KCNB2: variants seen among roughly 807,000 people sequenced by gnomAD.
KCNB2 encodes the protein delayed rectifier potassium channel protein.
Under a neutral mutation model 61.5 loss-of-function variants are expected in KCNB2, and 15 were observed. The observed-to-expected ratio is 0.24, with a 90% CI of 0.16 to 0.38. The LOEUF (loss-of-function observed/expected upper bound fraction) is 0.38. KCNB2 is among the 10% of genes least tolerant of loss of function. The pLI is 1.00. For synonymous variants in KCNB2, 457 were observed against 446.0 expected (o/e 1.02, Z -0.31); for missense variants, 828 against 1,125.2 (o/e 0.74, Z 3.78).
At position 72,936,798 on chromosome 8, in the gene KCNB2, C is replaced by T. The variant is rs781284488; in HGVS notation, c.1443C>T (p.Ser481=). 7 of 1,613,934 alleles carry T rather than the reference C, an allele frequency of 4.3e-6. No individual in the cohort carries two copies. The highest frequency in any genetic ancestry group is 1.7e-5 in the Admixed American group (1 of 59,992). The stretch of plus-strand genomic sequence containing the variant: ...GAGAGTCCGCCAACACAAAGGACTC[C>T]GCCGACGATAATCACCTGTCGCCAA... ...KAGESANTKD[S]ADDNHLSPSR... is the part of the protein sequence containing the mutation. Residue 481 remains serine (S), a synonymous_variant, in exon 3 of 3, where the codon TCC becomes TCT. Transcript: ENST00000523207. The surrounding 1 kb of genome is among the most constrained non-coding windows in gnomAD (Gnocchi z 5.6).
chr8:72,929,824 A>C (rs906093482), intron 2 of KCNB2, among the ~76,000 whole-genome samples: 4 of 151,974 alleles, frequency 2.6e-5, no homozygotes, highest in Non-Finnish European at 1.5e-5. Context: ...TTATACTTTA[A>C]GTTCTAGGGT....
intron 1 of KCNB2, among the ~76,000 whole-genome samples, chr8:72,556,085 G>A (rs1806421954): frequency 6.6e-6 from 1 of 151,898 alleles, no homozygotes; most frequent in Admixed American, 6.6e-5. Context: ...GCATCATCTG[G>A]TACAAGTCAC....
intron 2 of KCNB2, among the ~76,000 whole-genome samples, chr8:72,735,160 A>G (rs73309902): frequency 0.038 from 5,767 of 152,196 alleles, 149 homozygotes; most frequent in South Asian, 0.09. Flanking sequence ...AGACTCCCCA[A>G]TCCACCGTCT....
chr8:72,841,717 T>A (rs549324481), intron 2 of KCNB2, among the ~76,000 whole-genome samples: 39 of 45,160 alleles, frequency 8.6e-4, no homozygotes, highest in Non-Finnish European at 2.6e-3. Flanking sequence ...AGTTCACTCA[T>A]GATTTGGCTG....
At chr8:72,790,720 C>T (rs1445168400) in intron 2 of KCNB2, among the ~76,000 whole-genome samples, 1 of 152,064 alleles carries the variant, frequency 6.6e-6, no homozygotes, top group African/African-American at 2.4e-5. Context: ...TTGAAAAACA[C>T]CTTACAGATA....
chr8:72,561,746 T>TACAC (rs1491561524), intron 1 of KCNB2, among the ~76,000 whole-genome samples: 2 of 37,296 alleles, frequency 5.4e-5, no homozygotes, highest in African/African-American at 3.3e-4. Flanking sequence ...TATATATATA[T>TACAC]GTATATATAT....
At position 72,715,354 on chromosome 8, in the gene KCNB2, C is replaced by A. The variant is rs1284042528; in HGVS notation, c.579+147041C>A. 2.6e-5 allele frequency among the ~76,000 whole-genome samples: 4 copies of A among 152,196 alleles called. No individual in the cohort carries two copies. In the East Asian group the frequency reaches 5.8e-4, roughly 22 times the overall value. The stretch of plus-strand genomic sequence containing the variant: ...ACTGTCCACCCCAAATCAACAGAAT[C>A]TACATTCTTTTCAGCACCACACCAC... On this transcript the variant is annotated intron_variant, in intron 2 of 2. Coordinates refer to ENST00000523207, the MANE Select transcript of KCNB2 (RefSeq NM_004770.3).
At chr8:72,688,685 A>G (rs1285456073) in intron 2 of KCNB2, among the ~76,000 whole-genome samples, 1 of 152,158 alleles carries the variant, frequency 6.6e-6, no homozygotes, top group Non-Finnish European at 1.5e-5. Context: ...TGTAATTACC[A>G]TAATTTTATA....
intron 2 of KCNB2, among the ~76,000 whole-genome samples, chr8:72,621,674 C>T (rs1805715436): frequency 6.6e-6 from 1 of 152,186 alleles, no homozygotes; most frequent in African/African-American, 2.4e-5. Context: ...CTTGAGCCTG[C>T]ACTCATTTTA....
chr8:72,901,211 T>A (rs1806087362), intron 2 of KCNB2, among the ~76,000 whole-genome samples: 1 of 152,102 alleles, frequency 6.6e-6, no homozygotes, highest in Non-Finnish European at 1.5e-5. Flanking sequence ...GTGGGAGGCA[T>A]AGACTTACTG....
At chr8:72,859,706 C>CT (rs1810264452) in intron 2 of KCNB2, among the ~76,000 whole-genome samples, 944 of 73,432 alleles carry the variant, frequency 0.013, 319 homozygotes, top group African/African-American at 0.042. Context: ...TACTTCATTT[C>CT]GTTTTTTTTT....
intron 2 of KCNB2, among the ~76,000 whole-genome samples, chr8:72,861,234 GA>G (rs1275060269): frequency 6.6e-6 from 1 of 152,126 alleles, no homozygotes; most frequent in East Asian, 1.9e-4. Flanking sequence ...GTCCCCAATG[GA>G]AAGAAATCAA....
intron 2 of KCNB2, among the ~76,000 whole-genome samples, chr8:72,683,966 G>C (rs1441441880): frequency 6.6e-6 from 1 of 152,150 alleles, no homozygotes; most frequent in South Asian, 2.1e-4. Flanking sequence ...ATGATGGGTA[G>C]AGATTGAAGG....
chr8:72,575,679 T>C (rs1806784284), intron 2 of KCNB2, among the ~76,000 whole-genome samples: 2 of 152,322 alleles, frequency 1.3e-5, no homozygotes, highest in African/African-American at 2.4e-5. Flanking sequence ...TCTACATTTC[T>C]AGTTTGTTCC....
chr8:72,924,857 T>C (rs1296985607), intron 2 of KCNB2, among the ~76,000 whole-genome samples: 6 of 152,094 alleles, frequency 3.9e-5, no homozygotes, highest in Non-Finnish European at 8.8e-5. Context: ...ACACTACTGT[T>C]CATAGGGCCC....
At chr8:72,601,024 G>C (rs1443047715) in intron 2 of KCNB2, among the ~76,000 whole-genome samples, 1 of 151,728 alleles carries the variant, frequency 6.6e-6, no homozygotes, top group Admixed American at 6.6e-5. Context: ...AATTAAAATG[G>C]TAAGTTCTAC....
intron 2 of KCNB2, among the ~76,000 whole-genome samples, chr8:72,764,548 A>C (rs1172689858): frequency 6.6e-6 from 1 of 152,268 alleles, no homozygotes; most frequent in East Asian, 1.9e-4. Flanking sequence ...TTCTAAGTAG[A>C]GTCTATCCTG....
intron 1 of KCNB2, among the ~76,000 whole-genome samples, chr8:72,543,744 G>C (rs1806222863): frequency 6.6e-6 from 1 of 152,170 alleles, no homozygotes; most frequent in Non-Finnish European, 1.5e-5. Flanking sequence ...GAGGAAGCAG[G>C]ATTTCCTGCA....
chr8:72,858,836 A>G lies in KCNB2; in HGVS notation c.580-77099A>G, dbSNP rs1219908823. ...TTCCTCAATACATGTTGTCTTATAC[A>G]ATAAGGGTTGCTCCTCTTCCTGGTA... On this transcript the variant is annotated intron_variant, in intron 2 of 2. Transcript: ENST00000523207. Among the ~76,000 whole-genome samples, 3 of 152,188 alleles carry G rather than the reference A, an allele frequency of 2.0e-5. No individual in the cohort carries two copies. In the East Asian group the frequency reaches 5.8e-4, roughly 29 times the overall value.
Sources: allele counts gnomAD v4.1 joint callset (sites outside exome capture counted in the v4.1 genomes callset), GRCh38; gene constraint gnomAD v4.1.1; non-coding constraint Gnocchi (gnomAD v3.1); transcripts MANE v1.5; gene names NCBI Gene and HGNC (gene_info 2026-07-23, HGNC 2026-07-21).